Variants in SLC8A2 observed in about 807,000 individuals in gnomAD.
SLC8A2 encodes sodium/calcium exchanger 2.
In SLC8A2, 14 loss-of-function variants were observed where a neutral mutation model predicts 70.2. The ratio of observed to expected loss-of-function variants is 0.20; its 90% CI spans 0.13 to 0.31. The LOEUF is 0.31. SLC8A2 is among the 10% of genes least tolerant of loss of function. The probability of loss-of-function intolerance (pLI) is 1.00; values close to 1 mark genes in which losing one functional copy is unlikely to be tolerated. For synonymous variants in SLC8A2, 575 were observed against 594.3 expected, an observed-to-expected ratio of 0.97 and a Z score of 0.47; for missense variants, 779 against 1,320.1, an observed-to-expected ratio of 0.59 and a Z score of 6.35.
chr19:47,456,869 G>A (rs916070339), intron 3 of SLC8A2, 61 bp downstream of exon 3: 6 of 1,483,784 alleles, frequency 4.0e-6, no homozygotes, highest in South Asian at 1.4e-5. Flanking sequence ...GGAGGCCGCC[G>A]GACGGCGGGA....
At chr19:47,454,229 C>T (rs1310620226) in intron 3 of SLC8A2, among the ~76,000 whole-genome samples, 1 of 152,146 alleles carries the variant, frequency 6.6e-6, no homozygotes, top group Non-Finnish European at 1.5e-5. Flanking sequence ...GACACCTGTA[C>T]TCACTTCCTT....
Position 47,465,921 on chromosome 19 carries a change from G to A in SLC8A2, c.483C>T (p.Gly161=), listed in dbSNP as rs567794416. 1 of 1,614,144 alleles carries A rather than the reference G, an allele frequency of 6.2e-7. No homozygotes were observed. Among genetic ancestry groups the A allele is most frequent in the African/African-American group, 1.3e-5 (1 of 75,052 alleles). The change falls in exon 2 of 10, where the codon GGC becomes GGT. Residue 161 remains glycine, a synonymous_variant. Transcript: ENST00000236877. This position sits in a 1 kb window ranked among gnomAD's most constrained non-coding sequence, Gnocchi z 5.5. ...CGHNFQAGEL[G]PGTIVGSAAF... is the part of the protein sequence containing the mutation. ...CAGCGCTGCCCACGATGGTGCCTGG[G>A]CCCAGCTCACCCGCCTGGAAGTTGT...
At chr19:47,438,081 C>G in intron 6 of SLC8A2, 108 bp from the exon 7 acceptor site, 1 of 1,408,580 alleles carries the variant, frequency 7.1e-7, no homozygotes, top group Non-Finnish European at 9.8e-7. Flanking sequence ...CTGTTCTCCT[C>G]TGGGAAGCTC....
At position 47,471,314 on chromosome 19, in the gene SLC8A2, G is replaced by C. The variant is rs527805225; in HGVS notation, c.-17+475C>G. On this transcript the variant is annotated intron_variant, in intron 1 of 9. Coordinates refer to ENST00000236877, the MANE Select transcript of SLC8A2 (RefSeq NM_015063.3). ...GAGAGAAACCCAGGACTTAGAGACA[G>C]AGCCCCAGAGAGACTCCGAACAGAC... Among the ~76,000 whole-genome samples, 4 of 152,078 alleles carry C rather than the reference G, an allele frequency of 2.6e-5. No homozygotes were observed. The South Asian group carries it at 8.3e-4, about 32-fold the overall frequency.
At chr19:47,463,618 C>A (rs1181733855) in intron 2 of SLC8A2, among the ~76,000 whole-genome samples, 1 of 147,164 alleles carries the variant, frequency 6.8e-6, no homozygotes, top group African/African-American at 2.5e-5. Flanking sequence ...GTAATCTCAG[C>A]TACTCAGGAG....
intron 3 of SLC8A2, among the ~76,000 whole-genome samples, chr19:47,452,975 G>A (rs1967262993): frequency 6.6e-6 from 1 of 152,220 alleles, no homozygotes; most frequent in African/African-American, 2.4e-5. Flanking sequence ...AGAGGTTGCA[G>A]TGAGCCGAGA....
rs777915091 is a variant in SLC8A2 at position 47,430,227 on chromosome 19, C to T, written c.2628G>A (p.Arg876=). 6.2e-6 allele frequency: 10 copies of T among 1,609,630 alleles called. No homozygotes were observed. The South Asian group carries it at 1.1e-4, about 18-fold the overall frequency. ...AFVGIAVLLY[R]RRPHIGGELG... ...GCTCGCCGCCGATGTGCGGCCGGCG[C>T]CGGTACAGCAGCACGGCAATGCCCA... is the stretch of plus-strand genomic sequence containing the variant. Residue 876 remains arginine, a synonymous_variant, in exon 10 of 10, where the codon CGG becomes CGA. Transcript: ENST00000236877. This position sits in a 1 kb window ranked among gnomAD's most constrained non-coding sequence, Gnocchi z 5.9.
intron 2 of SLC8A2, among the ~76,000 whole-genome samples, chr19:47,462,650 C>T (rs1967410338): frequency 6.7e-6 from 1 of 148,842 alleles, no homozygotes; most frequent in Non-Finnish European, 1.5e-5. Flanking sequence ...TGCAGCGGCT[C>T]AATCTCAGCT....
rs923935938 is a variant in SLC8A2, at chr19:47,432,774, T to G, written c.2111-329A>C. ...ATGACTGAGTCCAGGTAAAAAAATT[T>G]TACTTTCCCAGAATCCCTTGCACCT... On this transcript the variant is annotated intron_variant, in intron 8 of 9. Coordinates refer to ENST00000236877, the MANE Select transcript of SLC8A2 (RefSeq NM_015063.3). The surrounding 1 kb of genome is among the most constrained non-coding windows in gnomAD (Gnocchi z 6.2). 9.4e-5 allele frequency among the ~76,000 whole-genome samples: 14 copies of G among 149,246 alleles called. No individual in the cohort carries two copies. Among genetic ancestry groups the G allele is most frequent in the African/African-American group, 3.5e-4 (14 of 40,248 alleles).
chr19:47,471,223 T>A (rs1967534658), intron 1 of SLC8A2, among the ~76,000 whole-genome samples: 2 of 144,068 alleles, frequency 1.4e-5, no homozygotes, highest in Admixed American at 7.0e-5. Context: ...ACAGGAAAGC[T>A]GAGACAAGGG....
In SLC8A2 at chr19:47,430,839, G is replaced by C. The variant is rs1966948309; in HGVS notation, c.2390-374C>G. Among the ~76,000 whole-genome samples the C allele has an allele frequency of 2.0e-5, 3 of 151,956 alleles. No individual in the cohort carries two copies. In the South Asian group the frequency reaches 6.2e-4, roughly 32 times the overall value. ...CCTCCCAGGTTCAAGCGATTCTCTTGCCGGAGCCTCTGAGTAGCTGGGATT... is the reference window on the plus strand; with the variant it reads ...CCTCCCAGGTTCAAGCGATTCTCTTCCCGGAGCCTCTGAGTAGCTGGGATT... On this transcript the variant is annotated intron_variant, in intron 9 of 9. Transcript: ENST00000236877. This position sits in a 1 kb window ranked among gnomAD's most constrained non-coding sequence, Gnocchi z 5.9.
At position 47,430,426 on chromosome 19, in the gene SLC8A2, C is replaced by A. The variant is rs780227672; in HGVS notation, c.2429G>T (p.Cys810Phe). Residue 810 changes from cysteine to phenylalanine, a missense_variant, in exon 10 of 10, where the codon TGC (cysteine) becomes TTC (phenylalanine). Physicochemically the swap from Cys to Phe is radical, Grantham distance 205 (BLOSUM62 -2). Around this residue, in one of 6 missense-constraint regions of SLC8A2, gnomAD observed 108 missense variants for 269.6 expected, o/e 0.40. Transcript: ENST00000236877. This position sits in a 1 kb window ranked among gnomAD's most constrained non-coding sequence, Gnocchi z 5.9. Reference sequence around the variant, plus strand: ...CACGTTGCCGATGGACGCGTCGGCGCACTGGTCCTGCAGCGCCGCCACCTT... The same window carrying A: ...CACGTTGCCGATGGACGCGTCGGCGAACTGGTCCTGCAGCGCCGCCACCTT... ...ASKVAALQDQ[C>F]ADASIGNVTG... 1.9e-5 allele frequency: 30 copies of A among 1,607,898 alleles called. No homozygotes were observed. The highest frequency in any genetic ancestry group is 2.7e-5 in the African/African-American group (2 of 74,902).
rs1300787870 is a variant in SLC8A2 at position 47,468,213 on chromosome 19, CT to C, written c.-16-1795del. On this transcript the variant is annotated intron_variant, in intron 1 of 9. Transcript: ENST00000236877. This position sits in a 1 kb window ranked among gnomAD's most constrained non-coding sequence, Gnocchi z 5.1. ...CCCAGTCTGCCTCAGCCACCCTCTC[CT>C]CCCCTCTGCTCCTCAGCCTCACCAG... Among the ~76,000 whole-genome samples the C allele has an allele frequency of 6.6e-6, 1 of 152,104 alleles. No homozygotes were observed. The highest frequency in any genetic ancestry group is 2.4e-5 in the African/African-American group (1 of 41,434).
chr19:47,449,552 G>C (rs778502569), intron 3 of SLC8A2, among the ~76,000 whole-genome samples: 10 of 152,144 alleles, frequency 6.6e-5, no homozygotes, highest in Non-Finnish European at 1.2e-4. Flanking sequence ...TCGAACTCCT[G>C]ACCTCAAAAG....
In SLC8A2 at chr19:47,447,702, C is replaced by A. The variant is rs1009732421; in HGVS notation, c.1763+107G>T. On this transcript the variant is annotated intron_variant, in intron 4 of 9. Transcript: ENST00000236877. This position sits in a 1 kb window ranked among gnomAD's most constrained non-coding sequence, Gnocchi z 5.1. ...TCCCCTCCCGAGGCCCAACCAAGAC[C>A]CGCCCACTATGTGGGCATGGCTCAC... 2.4e-6 allele frequency: 3 copies of A among 1,235,992 alleles called. No homozygotes were observed. In the African/African-American group the frequency reaches 4.8e-5, roughly 20 times the overall value. 76.6% of individuals were successfully genotyped at this position (1,235,992 alleles called of 1,614,324 possible).
At chr19:47,461,051 G>T (rs1002492822) in intron 2 of SLC8A2, among the ~76,000 whole-genome samples, 2 of 151,874 alleles carry the variant, frequency 1.3e-5, no homozygotes, top group Non-Finnish European at 2.9e-5. Flanking sequence ...TTAGCTGGGC[G>T]TGGTGGCAGG....
In SLC8A2 at chr19:47,430,505, C is replaced by A. The variant is rs753701388; in HGVS notation, c.2390-40G>T. The A allele has an allele frequency of 2.0e-6, 3 of 1,535,558 alleles. No individual in the cohort carries two copies. Among genetic ancestry groups the A allele is most frequent in the Admixed American group, 1.9e-5 (1 of 51,856 alleles). On this transcript the variant is annotated intron_variant, in intron 9 of 9. Coordinates refer to ENST00000236877, the MANE Select transcript of SLC8A2 (RefSeq NM_015063.3). This position sits in a 1 kb window ranked among gnomAD's most constrained non-coding sequence, Gnocchi z 5.9. ...CATACAGGTCGGAGGGGCTTTGCGC[C>A]GCCACCCACAGGGGCGGGCATCCGC...
At chr19:47,456,279 A>G (rs746728) in intron 3 of SLC8A2, among the ~76,000 whole-genome samples, 117,713 of 152,226 alleles carry the variant, frequency 0.77, 46,357 homozygotes, top group Middle Eastern at 0.89. Flanking sequence ...TGTGCACTGA[A>G]TGCCTGGAGG....
rs1440133040 is a variant in SLC8A2 at position 47,468,648 on chromosome 19, T to C, written c.-16-2229A>G. Among the ~76,000 whole-genome samples, 2 of 152,190 alleles carry C rather than the reference T, an allele frequency of 1.3e-5. No individual in the cohort carries two copies. The highest frequency in any genetic ancestry group is 1.5e-5 in the Non-Finnish European group (1 of 68,038). The stretch of plus-strand genomic sequence containing the variant: ...CTGCCCTTTCAGGTTTCCACTCTGA[T>C]GTCAGCTTCCCCAAACACCCCATCC... On this transcript the variant is annotated intron_variant, in intron 1 of 9. Coordinates refer to ENST00000236877, the MANE Select transcript of SLC8A2 (RefSeq NM_015063.3). This position sits in a 1 kb window ranked among gnomAD's most constrained non-coding sequence, Gnocchi z 5.1.
Sources: gnomAD v4.1 joint callset for allele counts (sites outside exome capture counted in the v4.1 genomes callset) on GRCh38, gnomAD v4.1.1 for gene constraint, gnomAD v4.1.1 regional missense constraint, Gnocchi (gnomAD v3.1) non-coding constraint, MANE v1.5 for transcripts, NCBI Gene and HGNC (gene_info 2026-07-23, HGNC 2026-07-21) for gene names.